Variants in RALGDS observed in about 807,000 individuals in gnomAD.
The protein encoded by RALGDS is ral guanine nucleotide exchange factor.
RALGDS carries 44 observed loss-of-function variants against 99.8 expected under a neutral mutation model. The observed-to-expected ratio is 0.44, with a 90% confidence interval of 0.35 to 0.57. The LOEUF (loss-of-function observed/expected upper bound fraction) is 0.57. Ranked by LOEUF, RALGDS falls within the 20% of genes least tolerant of loss-of-function variation. The pLI, the probability that RALGDS is intolerant of heterozygous loss-of-function variation, is 0.01. For missense variants in RALGDS, 1,022 were observed against 1,203.1 expected (o/e 0.85, Z 2.23); for synonymous variants, 529 against 505.0 (o/e 1.05, Z -0.64).
At chr9:133,106,199 C>T (rs1026786371) in intron 8 of RALGDS, among the ~76,000 whole-genome samples, 183 bp from the exon 9 acceptor site, 1 of 150,940 alleles carries the variant, frequency 6.6e-6, no homozygotes, top group Admixed American at 6.6e-5. Flanking sequence ...CAACAGGACC[C>T]CATTCCCGTT....
At chr9:133,122,840 G>A (rs562714775), upstream of RALGDS, among the ~76,000 whole-genome samples, 6 of 152,238 alleles carry the variant, frequency 3.9e-5, no homozygotes, top group South Asian at 1.2e-3. Flanking sequence ...GAGGAGCTGG[G>A]ATTATAGGCA....
At chr9:133,101,018 CA>C in intron 16 of RALGDS, 1 of 1,058,410 alleles carries the variant, frequency 9.4e-7, no homozygotes, top group African/African-American at 1.7e-5. Flanking sequence ...AAAGAGCCCC[CA>C]GGCAAACCCA....
chr9:133,121,054 C>A lies in RALGDS; in HGVS notation c.101G>T (p.Arg34Leu). The change falls in exon 1 of 18, where the codon CGC (arginine) becomes CTC (leucine). Residue 34 changes from arginine (R) to leucine (L), a missense_variant. This residue lies in a region of RALGDS where 180 missense variants were observed against 169.3 expected (regional missense o/e 1.06). Transcript: ENST00000372050. ...GCTGTCGGGGACGCCCACCTCCAGG[C>A]GCACGGCGTCCCACACGCTGCGGCT... is the stretch of plus-strand genomic sequence containing the variant. ...RRSRSVWDAV[R>L]LEVGVPDSCP... The A allele has an allele frequency of 2.0e-6, 3 of 1,491,338 alleles. No individual in the cohort carries two copies. The highest frequency in any genetic ancestry group is 2.7e-6 in the Non-Finnish European group (3 of 1,127,098). The allele number at this position is 1,491,338 out of a possible 1,614,324, so 92.4% of individuals were successfully genotyped here. A position where few individuals can be genotyped will look rare whatever the true frequency, so the allele number is the denominator to read the frequency against.
chr9:133,146,041 G>A (rs1832618070), intron 1 of RALGDS, among the ~76,000 whole-genome samples: 1 of 152,184 alleles, frequency 6.6e-6, no homozygotes, highest in Admixed American at 6.5e-5. Flanking sequence ...TCTGGGGAAA[G>A]TCACTCCCTT....
chr9:133,144,370 CT>C lies in RALGDS; in HGVS notation c.18+4592del, dbSNP rs1832588467. Among the ~76,000 whole-genome samples the C allele has an allele frequency of 6.6e-6, 1 of 152,080 alleles. No homozygotes were observed. Among genetic ancestry groups the C allele is most frequent in the Non-Finnish European group, 1.5e-5 (1 of 67,998 alleles). ...CAAACCATGGTCCTCCTCGCCACCC[CT>C]GTCACCTCCTCCTCCGCCCCCCGCC... is the stretch of plus-strand genomic sequence containing the variant. On this transcript the variant is annotated intron_variant, in intron 1 of 17. Coordinates refer to the RALGDS transcript ENST00000393160. This position sits in a 1 kb window ranked among gnomAD's most constrained non-coding sequence, Gnocchi z 4.5.
At chr9:133,106,803 G>T (rs1831084655) in intron 7 of RALGDS, 55 bp from the exon 8 acceptor site, 2 of 1,381,656 alleles carry the variant, frequency 1.4e-6, no homozygotes, top group Non-Finnish European at 2.0e-6. Flanking sequence ...CAGCTTGCCT[G>T]GCCTCAGTCC....
chr9:133,100,428 C>T (rs373317422), intron 16 of RALGDS, 46 bp from the exon 17 acceptor site: 51 of 1,608,544 alleles, frequency 3.2e-5, no homozygotes, highest in Non-Finnish European at 3.9e-5. Flanking sequence ...GACCCTGGAG[C>T]GGCTCCCCCA....
At position 133,107,222 on chromosome 9, in the gene RALGDS, G is replaced by C. The variant is rs1454037689; in HGVS notation, c.1276C>G (p.Leu426Val). 6 of 1,613,622 alleles carry C rather than the reference G, an allele frequency of 3.7e-6. No individual in the cohort carries two copies. Among genetic ancestry groups the C allele is most frequent in the Non-Finnish European group, 4.2e-6 (5 of 1,180,034 alleles). Residue 426 changes from leucine to valine, a missense_variant, in exon 7 of 18, where the codon CTG becomes GTG. Leu to Val is a conservative substitution (Grantham distance 32, BLOSUM62 1). Transcript: ENST00000372050. ...ACAGTGGCGCGGATGGTGGGCGCCA[G>C]GTGCTCCTTGCCCTTCTTGTCCCGC... Reference protein sequence around the residue: ...SQRDKKGKEHLAPTIRATVTQ... With the variant: ...SQRDKKGKEHVAPTIRATVTQ...
intron 1 of RALGDS, among the ~76,000 whole-genome samples, chr9:133,139,498 C>T (rs1444597758): frequency 6.6e-6 from 1 of 152,242 alleles, no homozygotes; most frequent in Non-Finnish European, 1.5e-5. Flanking sequence ...CCCAGCCACC[C>T]AGGGCCTGGG....
At chr9:133,104,218 C>A in intron 10 of RALGDS, 45 bp downstream of exon 10, 1 of 1,565,846 alleles carries the variant, frequency 6.4e-7, no homozygotes, top group Non-Finnish European at 8.8e-7. Context: ...TCCTCCCTAC[C>A]CCCAGGCCAG....
At chr9:133,120,321 A>G (rs960774710) in intron 1 of RALGDS, among the ~76,000 whole-genome samples, 3 of 152,086 alleles carry the variant, frequency 2.0e-5, no homozygotes, top group Admixed American at 6.5e-5. Flanking sequence ...TTTCCAGTTA[A>G]GCAGAAACAA....
upstream of RALGDS, among the ~76,000 whole-genome samples, chr9:133,124,496 T>C (rs948346048): frequency 9.4e-5 from 14 of 149,684 alleles, no homozygotes; most frequent in South Asian, 2.1e-4. Flanking sequence ...CTGGGCAACA[T>C]AGCAAGACCC....
chr9:133,104,592 ACT>A, intron 9 of RALGDS: 1 of 492,408 alleles, frequency 2.0e-6, no homozygotes, highest in Non-Finnish European at 3.7e-6. Context: ...CAGGTGGATC[ACT>A]TGAGGTCAGG....
At chr9:133,106,608 C>G (rs1831071385) in intron 8 of RALGDS, 37 bp downstream of exon 8, 2 of 1,494,764 alleles carry the variant, frequency 1.3e-6, no homozygotes, top group Non-Finnish European at 1.8e-6. Context: ...GTGGGAGGTC[C>G]CTGGTGCACC....
chr9:133,120,606 G>A (rs1831881238), intron 1 of RALGDS, among the ~76,000 whole-genome samples: 1 of 152,134 alleles, frequency 6.6e-6, no homozygotes, highest in Non-Finnish European at 1.5e-5. Context: ...GACGCGCTGC[G>A]GGCCCTGGGT....
intron 1 of RALGDS, among the ~76,000 whole-genome samples, chr9:133,113,763 C>T (rs1412974650): frequency 6.6e-6 from 1 of 152,234 alleles, no homozygotes; most frequent in Non-Finnish European, 1.5e-5. Context: ...CCTGTGAAGG[C>T]CGTTGGCTCA....
At chr9:133,143,399 T>C (rs1274326149) in intron 1 of RALGDS, among the ~76,000 whole-genome samples, 2 of 152,104 alleles carry the variant, frequency 1.3e-5, no homozygotes, top group African/African-American at 2.4e-5. Context: ...GGGGCGGGCC[T>C]GGTAGCTCGG....
At chr9:133,101,233 C>T (rs1265741291) in intron 16 of RALGDS, 5 of 1,296,228 alleles carry the variant, frequency 3.9e-6, no homozygotes, top group Non-Finnish European at 5.0e-6. Context: ...CCTGGCAGGG[C>T]TCAGGGCCTA....
At chr9:133,109,812 A>T in intron 3 of RALGDS, 91 bp from the exon 4 acceptor site, 1 of 925,654 alleles carries the variant, frequency 1.1e-6, no homozygotes, top group South Asian at 1.4e-5. Flanking sequence ...TTTTTTCATC[A>T]AATTATATTA....
Sources: gnomAD v4.1 joint callset for allele counts (sites outside exome capture counted in the v4.1 genomes callset) on GRCh38, gnomAD v4.1.1 for gene constraint, gnomAD v4.1.1 regional missense constraint, Gnocchi (gnomAD v3.1) non-coding constraint, MANE v1.5 for transcripts, NCBI Gene and HGNC (gene_info 2026-07-23, HGNC 2026-07-21) for gene names.